Variants in PITPNC1 observed in about 807,000 individuals in gnomAD.
PITPNC1 encodes the protein cytoplasmic phosphatidylinositol transfer protein 1.
In PITPNC1, 18 loss-of-function variants were observed where a neutral mutation model predicts 44.7. That is an observed-to-expected ratio of 0.40 (90% CI 0.28 to 0.60). The LOEUF (loss-of-function observed/expected upper bound fraction) is 0.60, where lower values mean the gene tolerates loss of function less well. PITPNC1 is among the 20% of genes least tolerant of loss of function. PITPNC1 has a pLI of 0.39. For synonymous variants in PITPNC1, 141 were observed against 149.6 expected (o/e 0.94, Z 0.42); for missense variants, 290 against 418.4 (o/e 0.69, Z 2.68).
chr17:67,450,738 A>C (rs1486919641), intron 1 of PITPNC1, among the ~76,000 whole-genome samples: 4 of 152,142 alleles, frequency 2.6e-5, no homozygotes, highest in Non-Finnish European at 1.5e-5. Context: ...TAAGCATTGT[A>C]AATTGTACAA....
chr17:67,571,796 CA>C (rs1223571689), intron 4 of PITPNC1, among the ~76,000 whole-genome samples: 4 of 152,226 alleles, frequency 2.6e-5, no homozygotes, highest in African/African-American at 9.6e-5. Flanking sequence ...GTCTTGTATA[CA>C]CTCTCAGGAG....
chr17:67,495,057 T>TTTTTTTTTG (rs2039930555), intron 1 of PITPNC1, among the ~76,000 whole-genome samples: 1 of 100,426 alleles, frequency 1.0e-5, no homozygotes, highest in East Asian at 3.3e-4. Flanking sequence ...TTTTTGTTTT[T>TTTTTTTTTG]TTTTTTTTTT....
At chr17:67,485,761 T>C (rs999693379) in intron 1 of PITPNC1, among the ~76,000 whole-genome samples, 4 of 152,024 alleles carry the variant, frequency 2.6e-5, no homozygotes, top group African/African-American at 9.7e-5. Context: ...ACTCTTAAGA[T>C]GTCAAGAGGA....
chr17:67,448,189 C>T (rs193238720), intron 1 of PITPNC1, among the ~76,000 whole-genome samples: 19 of 152,244 alleles, frequency 1.2e-4, no homozygotes, highest in Non-Finnish European at 2.1e-4. Flanking sequence ...TCAGGTGATC[C>T]GCCCGCCTTG....
At chr17:67,547,024 T>A (rs2040694255) in intron 2 of PITPNC1, among the ~76,000 whole-genome samples, 1 of 152,342 alleles carries the variant, frequency 6.6e-6, no homozygotes, top group East Asian at 1.9e-4. Flanking sequence ...ATTGCCAGTT[T>A]TAGTACAAGA....
At chr17:67,657,900 C>T (rs941899863) in intron 6 of PITPNC1, among the ~76,000 whole-genome samples, 10 of 152,154 alleles carry the variant, frequency 6.6e-5, no homozygotes, top group Non-Finnish European at 1.3e-4. Flanking sequence ...ATTTTTAATA[C>T]CGTGAAGTCT....
At chr17:67,398,184 C>G (rs1428460364) in intron 1 of PITPNC1, among the ~76,000 whole-genome samples, 1 of 151,934 alleles carries the variant, frequency 6.6e-6, no homozygotes. Context: ...ATTGTGGTTT[C>G]AGACCATGAA....
At chr17:67,625,477 A>G (rs749359519) in intron 5 of PITPNC1, among the ~76,000 whole-genome samples, 2 of 152,190 alleles carry the variant, frequency 1.3e-5, no homozygotes, top group Non-Finnish European at 2.9e-5. Flanking sequence ...CGGGGAGCCC[A>G]AATGAATCAT....
At chr17:67,673,747 G>A (rs1433049517) in intron 7 of PITPNC1, among the ~76,000 whole-genome samples, 1 of 151,514 alleles carries the variant, frequency 6.6e-6, no homozygotes, top group African/African-American at 2.4e-5. Context: ...TCAGGGGTTC[G>A]AGACCAGCCT....
At chr17:67,402,557 G>A (rs1446893402) in intron 1 of PITPNC1, among the ~76,000 whole-genome samples, 1 of 150,484 alleles carries the variant, frequency 6.6e-6, no homozygotes, top group Non-Finnish European at 1.5e-5. Context: ...GTGGGTATGT[G>A]TTCTGCCGAA....
chr17:67,458,279 G>A (rs61404500), intron 1 of PITPNC1, among the ~76,000 whole-genome samples: 2,868 of 152,128 alleles, frequency 0.019, 113 homozygotes, highest in African/African-American at 0.064. Flanking sequence ...AACTAACACC[G>A]TATCTCTGTT....
chr17:67,527,215 CT>C (rs76897095), intron 1 of PITPNC1, among the ~76,000 whole-genome samples: 84,563 of 151,848 alleles, frequency 0.56, 23,855 homozygotes, highest in East Asian at 0.75. Flanking sequence ...ATCACGAGGC[CT>C]AGATTTTTAA....
chr17:67,459,113 C>CTTTTTTTT (rs886333854), intron 1 of PITPNC1, among the ~76,000 whole-genome samples: 76 of 95,686 alleles, frequency 7.9e-4, no homozygotes, highest in Non-Finnish European at 9.7e-4. Flanking sequence ...TTTTCTTTTT[C>CTTTTTTTT]TTTTTTTTTT....
intron 1 of PITPNC1, among the ~76,000 whole-genome samples, chr17:67,499,197 C>G (rs532480690): frequency 6.6e-6 from 1 of 151,086 alleles, no homozygotes; most frequent in East Asian, 2.0e-4. Flanking sequence ...GAAGAAATAT[C>G]TATTCAAGTC....
At chr17:67,687,345 T>C (rs535802193) in intron 8 of PITPNC1, among the ~76,000 whole-genome samples, 30 of 152,284 alleles carry the variant, frequency 2.0e-4, no homozygotes, top group African/African-American at 7.0e-4. Context: ...AATTGGGCAG[T>C]GTCACCTCTC....
chr17:67,560,393 C>T (rs1391781710), intron 4 of PITPNC1, among the ~76,000 whole-genome samples: 1 of 152,166 alleles, frequency 6.6e-6, no homozygotes, highest in Non-Finnish European at 1.5e-5. Context: ...GAAGAATGCC[C>T]AACAGTAATG....
chr17:67,379,901 A>C (rs957542039), intron 1 of PITPNC1, among the ~76,000 whole-genome samples: 8 of 152,160 alleles, frequency 5.3e-5, no homozygotes, highest in Non-Finnish European at 1.2e-4. Context: ...ACTAACTACA[A>C]AATCTCTTTA....
intron 6 of PITPNC1, among the ~76,000 whole-genome samples, chr17:67,658,596 G>C (rs2042301250): frequency 6.6e-6 from 1 of 152,114 alleles, no homozygotes; most frequent in African/African-American, 2.4e-5. Flanking sequence ...CTTCCTGGTT[G>C]TGAGACAAGA....
At chr17:67,492,774 C>G (rs971026198) in intron 1 of PITPNC1, among the ~76,000 whole-genome samples, 30 of 152,270 alleles carry the variant, frequency 2.0e-4, no homozygotes, top group African/African-American at 7.0e-4. Flanking sequence ...GCATCGTCTT[C>G]TGTGTCAGAT....
Sources: gnomAD v4.1 joint callset for allele counts (sites outside exome capture counted in the v4.1 genomes callset) on GRCh38, gnomAD v4.1.1 for gene constraint, MANE v1.5 for transcripts, NCBI Gene and HGNC (gene_info 2026-07-23, HGNC 2026-07-21) for gene names.